CIMAP1D: variants seen among roughly 807,000 people sequenced by gnomAD.
The protein encoded by CIMAP1D is CIMAP1 family member D, also known as protein CIMAP1D.
At chr19:465,629 GTGGA>G in the CIMAP1D span, among the ~76,000 whole-genome samples, 2 of 144,108 alleles carry the variant, frequency 1.4e-5, no homozygotes, top group African/African-American at 5.2e-5. Context: ...GGATGGGTGT[GTGGA>G]TGGATGGGTG....
At chr19:470,051 C>T in the CIMAP1D span, among the ~76,000 whole-genome samples, 2 of 152,140 alleles carry the variant, frequency 1.3e-5, no homozygotes, top group African/African-American at 4.8e-5. Context: ...AACCCAGATC[C>T]CATGTTCCAC....
At chr19:482,848 A>G in the CIMAP1D span, among the ~76,000 whole-genome samples, 1 of 152,044 alleles carries the variant, frequency 6.6e-6, no homozygotes, top group Non-Finnish European at 1.5e-5. Flanking sequence ...CGAGCACCCC[A>G]GCCCCGCCCC....
At chr19:485,760 G>C in the CIMAP1D span, among the ~76,000 whole-genome samples, 4 of 152,206 alleles carry the variant, frequency 2.6e-5, no homozygotes, top group Non-Finnish European at 5.9e-5. Context: ...GGGTTCCTCC[G>C]ATGACCTGCT....
the CIMAP1D span, among the ~76,000 whole-genome samples, chr19:481,303 G>GA: frequency 6.7e-3 from 942 of 139,602 alleles, no homozygotes; most frequent in Non-Finnish European, 7.5e-3. Context: ...TGATGGGAAG[G>GA]ATGATGGAGA....
chr19:474,949 C>T, the CIMAP1D span: 12 of 430,938 alleles, frequency 2.8e-5, no homozygotes, highest in Non-Finnish European at 4.0e-5. Flanking sequence ...GCTGGTCGGC[C>T]GGACACTGGC....
the CIMAP1D span, among the ~76,000 whole-genome samples, chr19:487,643 C>A: frequency 6.6e-6 from 1 of 152,122 alleles, no homozygotes; most frequent in East Asian, 1.9e-4. Flanking sequence ...GCGCTCCAGC[C>A]TGGGCCACAG....
the CIMAP1D span, among the ~76,000 whole-genome samples, chr19:476,233 T>C: frequency 2.6e-5 from 4 of 152,040 alleles, no homozygotes; most frequent in Non-Finnish European, 5.9e-5. Flanking sequence ...TTTTGTATTT[T>C]TAGTAGAGAC....
At chr19:481,795 A>C in the CIMAP1D span, among the ~76,000 whole-genome samples, 1 of 135,690 alleles carries the variant, frequency 7.4e-6, no homozygotes, top group South Asian at 2.3e-4. Flanking sequence ...TTTTTTTGAG[A>C]CAATATGTTG....
the CIMAP1D span, chr19:474,846 C>T: frequency 5.7e-6 from 6 of 1,053,590 alleles, no homozygotes; most frequent in Non-Finnish European, 6.3e-6. Context: ...CCGTCCCCAC[C>T]TTCACGGCCT....
the CIMAP1D span, chr19:464,221 T>C: frequency 6.6e-7 from 1 of 1,521,038 alleles, no homozygotes. Context: ...GGGGGCATGG[T>C]GTAGGCATTA....
chr19:483,394 C>A, the CIMAP1D span, among the ~76,000 whole-genome samples: 106 of 152,082 alleles, frequency 7.0e-4, 1 homozygote, highest in Non-Finnish European at 7.5e-4. Context: ...GCTGCCACTG[C>A]GTCTAGCACA....
chr19:468,785 G>A, the CIMAP1D span, among the ~76,000 whole-genome samples: 4 of 152,316 alleles, frequency 2.6e-5, no homozygotes, highest in East Asian at 5.8e-4. Context: ...GGTGAGGGAG[G>A]AAACGTCATC....
At chr19:476,256 C>T in the CIMAP1D span, among the ~76,000 whole-genome samples, 2 of 151,910 alleles carry the variant, frequency 1.3e-5, no homozygotes, top group Non-Finnish European at 2.9e-5. Context: ...GGTTTCACCA[C>T]GTTGGCCAGG....
the CIMAP1D span, among the ~76,000 whole-genome samples, chr19:482,221 A>C: frequency 0.42 from 64,020 of 152,128 alleles, 15,231 homozygotes; most frequent in African/African-American, 0.66. Flanking sequence ...TTCTTCTTTT[A>C]ATGCTGTCCT....
the CIMAP1D span, among the ~76,000 whole-genome samples, chr19:468,972 C>A: frequency 6.6e-6 from 1 of 151,592 alleles, no homozygotes; most frequent in African/African-American, 2.4e-5. Context: ...TTTGCCCTCC[C>A]CTGAGGAGTC....
the CIMAP1D span, chr19:467,579 G>A: frequency 1.6e-3 from 1,525 of 951,862 alleles, 13 homozygotes; most frequent in African/African-American, 0.021. Flanking sequence ...GGGGAGGGAG[G>A]ACAGGGCAGG....
chr19:488,623 G>T, the CIMAP1D span, among the ~76,000 whole-genome samples: 3 of 148,736 alleles, frequency 2.0e-5, no homozygotes, highest in Non-Finnish European at 4.4e-5. Flanking sequence ...ACGGCCTCCC[G>T]GTGACCCTGA....
chr19:474,617 G>A, the CIMAP1D span: 715 of 1,544,662 alleles, frequency 4.6e-4, no homozygotes, highest in Non-Finnish European at 6.0e-4. Context: ...CGGCTGGCAC[G>A]CACCGTTCTC....
the CIMAP1D span, among the ~76,000 whole-genome samples, chr19:470,574 G>A: frequency 6.6e-6 from 1 of 152,146 alleles, no homozygotes; most frequent in Admixed American, 6.5e-5. Context: ...CTGGCATTCT[G>A]GGACCCCTTG....
Sources: allele counts gnomAD v4.1 joint callset (sites outside exome capture counted in the v4.1 genomes callset), GRCh38; gene constraint gnomAD v4.1.1; transcripts MANE v1.5; gene names NCBI Gene and HGNC (gene_info 2026-07-23, HGNC 2026-07-21).